The following CDYL2 variants were observed in gnomAD, a reference collection of about 807,000 sequenced individuals.
CDYL2 encodes the protein chromodomain Y-like protein 2.
In CDYL2, 23 loss-of-function variants were observed where a neutral mutation model predicts 49.4. That is an observed-to-expected ratio of 0.47 (90% CI 0.34 to 0.66). The LOEUF (loss-of-function observed/expected upper bound fraction) is 0.66. Ranked by LOEUF, CDYL2 falls within the 30% of genes least tolerant of loss-of-function variation. The pLI is 0.01. For synonymous variants in CDYL2, 360 were observed against 268.8 expected, an observed-to-expected ratio of 1.34 and a Z score of -3.32; for missense variants, 678 against 656.4, an observed-to-expected ratio of 1.03 and a Z score of -0.36.
rs891823782 is a variant in CDYL2 at position 80,732,023 on chromosome 16, T to G, written c.25-46894A>C. On this transcript the variant is annotated intron_variant, in intron 1 of 6. Coordinates refer to ENST00000570137, the MANE Select transcript of CDYL2 (RefSeq NM_152342.4). Reference sequence around the variant, plus strand: ...AGCACAGATTGAAACAGGATAGAAATTTTCTGGCCAAGGATAGTGCAAGGC... The same window carrying G: ...AGCACAGATTGAAACAGGATAGAAAGTTTCTGGCCAAGGATAGTGCAAGGC... Among the ~76,000 whole-genome samples, 5 of 152,014 alleles carry G rather than the reference T, an allele frequency of 3.3e-5. No individual in the cohort carries two copies. In the East Asian group the frequency reaches 9.7e-4, roughly 29 times the overall value.
At chr16:80,752,511 T>G (rs190550514) in intron 1 of CDYL2, among the ~76,000 whole-genome samples, 4 of 152,078 alleles carry the variant, frequency 2.6e-5, no homozygotes, top group Admixed American at 2.0e-4. Context: ...AGTACCCAGA[T>G]AAGAAAAAAA....
At chr16:80,736,759 T>C (rs534191720) in intron 1 of CDYL2, among the ~76,000 whole-genome samples, 2 of 152,166 alleles carry the variant, frequency 1.3e-5, no homozygotes, top group African/African-American at 2.4e-5. Context: ...TTTTTAATCA[T>C]CAAAAATTAT....
At chr16:80,761,791 G>A (rs986382785) in intron 1 of CDYL2, among the ~76,000 whole-genome samples, 1 of 151,506 alleles carries the variant, frequency 6.6e-6, no homozygotes, top group Non-Finnish European at 1.5e-5. Context: ...GAAGATGCTG[G>A]GAAAACTACT....
At chr16:80,687,469 A>G (rs1195777694) in intron 1 of CDYL2, among the ~76,000 whole-genome samples, 1 of 151,938 alleles carries the variant, frequency 6.6e-6, no homozygotes. Context: ...TGTATAAATA[A>G]ATGAATAGAT....
chr16:80,754,110 T>G (rs1231513700), intron 1 of CDYL2, among the ~76,000 whole-genome samples: 1 of 152,186 alleles, frequency 6.6e-6, no homozygotes, highest in African/African-American at 2.4e-5. Context: ...AATCCCTATT[T>G]TACAAGCTCA....
intron 1 of CDYL2, among the ~76,000 whole-genome samples, chr16:80,759,005 AT>A (rs1906418362): frequency 6.6e-6 from 1 of 150,602 alleles, no homozygotes; most frequent in Non-Finnish European, 1.5e-5. Flanking sequence ...AAATATTTGA[AT>A]AATTGCTAAA....
chr16:80,663,810 C>A (rs936213251), intron 2 of CDYL2, among the ~76,000 whole-genome samples: 1 of 152,192 alleles, frequency 6.6e-6, no homozygotes, highest in Non-Finnish European at 1.5e-5. Flanking sequence ...CCAGACTGGT[C>A]TCGAATTCCT....
chr16:80,642,315 C>A (rs1339381407), intron 2 of CDYL2, among the ~76,000 whole-genome samples: 1 of 152,032 alleles, frequency 6.6e-6, no homozygotes, highest in East Asian at 1.9e-4. Flanking sequence ...TGGTGGCATG[C>A]CCCTGTAATC....
intron 1 of CDYL2, among the ~76,000 whole-genome samples, chr16:80,772,403 G>C (rs976096604): frequency 2.0e-5 from 3 of 152,184 alleles, no homozygotes; most frequent in South Asian, 2.1e-4. Flanking sequence ...GGATAAACTG[G>C]ATTCAAGATG....
intron 1 of CDYL2, among the ~76,000 whole-genome samples, chr16:80,705,261 G>A (rs7203977): frequency 0.088 from 13,397 of 152,238 alleles, 995 homozygotes; most frequent in African/African-American, 0.21. Context: ...TCTTCCACAG[G>A]TAAGACCGTC....
chr16:80,744,181 G>A (rs906844658), intron 1 of CDYL2, among the ~76,000 whole-genome samples: 1 of 152,312 alleles, frequency 6.6e-6, no homozygotes, highest in South Asian at 2.1e-4. Context: ...AGATCAGTGT[G>A]ATTCTAAGTC....
rs569514112 is a variant in CDYL2 at position 80,645,213 on chromosome 16, T to C, written c.617-11977A>G. Among the ~76,000 whole-genome samples the C allele has an allele frequency of 5.3e-5, 8 of 152,250 alleles. No individual in the cohort carries two copies. The East Asian group carries it at 1.4e-3, about 26-fold the overall frequency. Reference sequence around the variant, plus strand: ...CAGAGTGAACAGGCCACCTACAGAATGGGAGAACATTTTTGCAATCTACTC... The same window carrying C: ...CAGAGTGAACAGGCCACCTACAGAACGGGAGAACATTTTTGCAATCTACTC... On this transcript the variant is annotated intron_variant, in intron 2 of 6. Coordinates refer to ENST00000570137, the MANE Select transcript of CDYL2 (RefSeq NM_152342.4).
At chr16:80,773,176 T>G (rs541436326) in intron 1 of CDYL2, among the ~76,000 whole-genome samples, 1 of 152,170 alleles carries the variant, frequency 6.6e-6, no homozygotes, top group Non-Finnish European at 1.5e-5. Flanking sequence ...AGATATTTTT[T>G]AAAACAAAAA....
chr16:80,653,356 T>G (rs1446380686), intron 2 of CDYL2, among the ~76,000 whole-genome samples: 2 of 152,008 alleles, frequency 1.3e-5, no homozygotes, highest in Non-Finnish European at 2.9e-5. Flanking sequence ...TCCCAGCTAC[T>G]TGGAAGTCTG....
At chr16:80,800,916 A>G (rs1907906500) in intron 1 of CDYL2, among the ~76,000 whole-genome samples, 1 of 152,222 alleles carries the variant, frequency 6.6e-6, no homozygotes, top group African/African-American at 2.4e-5. Flanking sequence ...TCTAAAGTCT[A>G]CTGGAGCCCA....
intron 1 of CDYL2, among the ~76,000 whole-genome samples, chr16:80,776,837 A>G (rs1024302821): frequency 1.3e-4 from 19 of 150,310 alleles, no homozygotes; most frequent in African/African-American, 4.6e-4. Context: ...TTTTTTTTGG[A>G]GACAGAGTCT....
intron 1 of CDYL2, among the ~76,000 whole-genome samples, chr16:80,776,236 A>AT (rs1249570464): frequency 2.0e-5 from 3 of 152,174 alleles, no homozygotes; most frequent in African/African-American, 7.2e-5. Context: ...AAACGTGAAA[A>AT]TAAGTAAGTT....
In CDYL2 at chr16:80,612,347, T is replaced by C. The variant is rs899975464; in HGVS notation, c.1218+279A>G. ...AGCCACTGAGACCGTGGGCTGCTTG[T>C]CACAGCACCCAGCCAATCCTAAGAC... On this transcript the variant is annotated intron_variant, in intron 5 of 6. Transcript: ENST00000570137. The surrounding 1 kb of genome is among the most constrained non-coding windows in gnomAD (Gnocchi z 5.0). Among the ~76,000 whole-genome samples the C allele has an allele frequency of 6.6e-6, 1 of 152,148 alleles. No homozygotes were observed. The highest frequency in any genetic ancestry group is 2.4e-5 in the African/African-American group (1 of 41,434).
chr16:80,658,845 T>G (rs75632707), intron 2 of CDYL2, among the ~76,000 whole-genome samples: 4,002 of 152,254 alleles, frequency 0.026, 145 homozygotes, highest in African/African-American at 0.072. Flanking sequence ...TAAGGTATAC[T>G]TTGGGCTAGA....
Sources: gnomAD v4.1 joint callset for allele counts (sites outside exome capture counted in the v4.1 genomes callset) on GRCh38, gnomAD v4.1.1 for gene constraint, Gnocchi (gnomAD v3.1) non-coding constraint, MANE v1.5 for transcripts, NCBI Gene and HGNC (gene_info 2026-07-23, HGNC 2026-07-21) for gene names.